Variants in MCM8 observed in about 807,000 individuals in gnomAD.
The protein encoded by MCM8 is minichromosome maintenance 8 homologous recombination repair factor, also known as DNA helicase MCM8.
A neutral mutation model predicts 98.9 loss-of-function variants in MCM8; 85 were observed. The ratio of observed to expected loss-of-function variants is 0.86; its 90% confidence interval spans 0.72 to 1.03. MCM8 has a LOEUF of 1.03. Among genes scored for constraint, MCM8 ranks in the 50% least tolerant of loss-of-function variants. The pLI, the probability that MCM8 is intolerant of heterozygous loss-of-function variation, is 0.00. For missense variants in MCM8, 951 were observed against 997.8 expected, an observed-to-expected ratio of 0.95 and a Z score of 0.63; for synonymous variants, 352 against 338.6, an observed-to-expected ratio of 1.04 and a Z score of -0.44.
intron 17 of MCM8, among the ~76,000 whole-genome samples, chr20:5,988,447 G>A (rs1362032038): frequency 1.3e-5 from 2 of 151,072 alleles, no homozygotes; most frequent in African/African-American, 2.4e-5. Flanking sequence ...GGGTGACAGA[G>A]CAAGACTCTG....
Position 5,963,337 on chromosome 20 carries a change from A to T in MCM8, c.853A>T (p.Thr285Ser), listed in dbSNP as rs1428782982. ...TALRSSPLTV[T>S]MDWQSIKIQE... ...TCTCCGCAGCTCTCCTCTCACAGTT[A>T]CGATGGACTGGCAGTCAATCAAGTA... The change falls in exon 8 of 19, where the codon ACG (threonine) becomes TCG (serine). Residue 285 changes from threonine to serine, a missense_variant. Coordinates refer to ENST00000610722, the MANE Select transcript of MCM8 (RefSeq NM_032485.6). 1.2e-6 allele frequency: 2 copies of T among 1,614,016 alleles called. No individual in the cohort carries two copies. Among genetic ancestry groups the T allele is most frequent in the Admixed American group, 3.3e-5 (2 of 60,020 alleles).
Position 5,952,468 on chromosome 20 carries a change from A to G in MCM8, c.193A>G (p.Met65Val), listed in dbSNP as rs370378788. ...FLLSTKTPQS[M>V]QSTLDRFIPY... ...GCTTTCAACAAAGACCCCACAGTCA[A>G]TGCAGTCAACATTGGATCGATTCAT... Residue 65 changes from methionine to valine, a missense_variant, in exon 3 of 19, where the codon ATG (methionine) becomes GTG (valine). Physicochemically the swap from Met to Val is conservative, Grantham distance 21. Coordinates refer to ENST00000610722, the MANE Select transcript of MCM8 (RefSeq NM_032485.6). 23 of 1,614,024 alleles carry G rather than the reference A, an allele frequency of 1.4e-5. No homozygotes were observed. Among genetic ancestry groups the G allele is most frequent in the African/African-American group, 8.0e-5 (6 of 74,950 alleles).
intron 5 of MCM8, among the ~76,000 whole-genome samples, chr20:5,956,029 A>C: frequency 6.6e-6 from 1 of 152,188 alleles, no homozygotes; most frequent in East Asian, 1.9e-4. Context: ...GGCTTCCTAA[A>C]GTGCTAGGAT....
intron 3 of MCM8, 62 bp from the exon 4 acceptor site, chr20:5,954,546 T>C: frequency 1.1e-6 from 1 of 928,178 alleles, no homozygotes; most frequent in South Asian, 1.4e-5. Context: ...TGCTTTTGTC[T>C]CATGAAAAAT....
chr20:5,974,457 C>T (rs2089467941), intron 12 of MCM8, among the ~76,000 whole-genome samples: 1 of 152,176 alleles, frequency 6.6e-6, no homozygotes, highest in African/African-American at 2.4e-5. Flanking sequence ...CCTGTGGCCC[C>T]CTTCTTCACT....
intron 12 of MCM8, among the ~76,000 whole-genome samples, chr20:5,977,099 A>G (rs2089527215): frequency 6.6e-6 from 1 of 152,236 alleles, no homozygotes; most frequent in Non-Finnish European, 1.5e-5. Flanking sequence ...AAGACTATAT[A>G]AGTAACAAAA....
intron 12 of MCM8, among the ~76,000 whole-genome samples, chr20:5,977,658 G>C (rs535736896): frequency 1.3e-5 from 2 of 152,332 alleles, no homozygotes; most frequent in East Asian, 3.9e-4. Context: ...TTTCCACCTT[G>C]ATAGCTGTGT....
intron 3 of MCM8, among the ~76,000 whole-genome samples, chr20:5,953,661 G>A (rs1402844080): frequency 3.3e-5 from 5 of 151,980 alleles, no homozygotes; most frequent in African/African-American, 1.2e-4. Context: ...TTTTAGTAGA[G>A]ACGGGGTTTC....
chr20:5,987,230 A>G, intron 16 of MCM8, 52 bp from the exon 17 acceptor site: 7 of 1,529,864 alleles, frequency 4.6e-6, no homozygotes, highest in East Asian at 2.3e-5. Context: ...TAGACATACT[A>G]TGGTAAATAT....
chr20:5,981,641 C>T (rs985616176), intron 13 of MCM8, among the ~76,000 whole-genome samples: 6 of 152,102 alleles, frequency 3.9e-5, no homozygotes, highest in African/African-American at 4.8e-5. Context: ...TAGGTTTGGA[C>T]AGAGCAGCCG....
intron 12 of MCM8, among the ~76,000 whole-genome samples, chr20:5,974,011 T>C (rs902895639): frequency 6.6e-6 from 1 of 152,170 alleles, no homozygotes; most frequent in African/African-American, 2.4e-5. Context: ...AAATTCTGCC[T>C]CTGCCAGTCA....
rs11472210 is a variant in MCM8 at position 5,994,478 on chromosome 20, G to GACACACACAC, written c.*123_*132dup. ...ATATGCGTGCACGCACAGACAGACA[G>GACACACACAC]ACACACACACACACACACACACACA... is the stretch of plus-strand genomic sequence containing the variant. On this transcript the variant is annotated 3_prime_UTR_variant, in exon 19 of 19. Coordinates refer to ENST00000610722, the MANE Select transcript of MCM8 (RefSeq NM_032485.6). The GACACACACAC allele has an allele frequency of 1.9e-3, 716 of 384,330 alleles. 3 individuals are homozygous for GACACACACAC. Among genetic ancestry groups the GACACACACAC allele is most frequent in the African/African-American group, 7.8e-3 (337 of 43,234 alleles). 23.8% of individuals were successfully genotyped at this position (384,330 alleles called of 1,614,324 possible). A position where few individuals can be genotyped will look rare whatever the true frequency, so the allele number is the denominator to read the frequency against.
intron 16 of MCM8, among the ~76,000 whole-genome samples, chr20:5,986,380 A>T (rs2089735853): frequency 6.6e-6 from 1 of 152,172 alleles, no homozygotes; most frequent in Non-Finnish European, 1.5e-5. Context: ...TCTTTGACTG[A>T]CTCTTAGGAG....
chr20:5,968,319 C>T (rs551608307), intron 10 of MCM8, among the ~76,000 whole-genome samples: 12 of 152,180 alleles, frequency 7.9e-5, no homozygotes, highest in African/African-American at 2.4e-4. Context: ...CCGAGGCAGG[C>T]GGATCACTTG....
chr20:5,965,293 A>G (rs192245310), intron 8 of MCM8: 1 of 152,332 alleles, frequency 6.6e-6, no homozygotes, highest in East Asian at 1.9e-4. Flanking sequence ...CTGGCTGGAC[A>G]GTTTATCCCC....
At chr20:5,988,198 C>A (rs1220473907) in intron 17 of MCM8, among the ~76,000 whole-genome samples, 6 of 151,960 alleles carry the variant, frequency 3.9e-5, no homozygotes. Flanking sequence ...TGGTGGCTCA[C>A]ACCTGTAATC....
chr20:5,979,414 C>G (rs2089584960), intron 13 of MCM8, among the ~76,000 whole-genome samples: 1 of 152,162 alleles, frequency 6.6e-6, no homozygotes, highest in Non-Finnish European at 1.5e-5. Flanking sequence ...TCTCGTTTCC[C>G]TTAAATATCA....
intron 7 of MCM8, among the ~76,000 whole-genome samples, chr20:5,959,107 C>T (rs979829582): frequency 4.0e-5 from 6 of 151,844 alleles, no homozygotes; most frequent in Admixed American, 2.0e-4. Context: ...TTTTTTTTCC[C>T]CTTTATTTCT....
At chr20:5,961,768 G>A (rs545667234) in intron 7 of MCM8, among the ~76,000 whole-genome samples, 1 of 152,276 alleles carries the variant, frequency 6.6e-6, no homozygotes, top group Admixed American at 6.5e-5. Flanking sequence ...TTTGTTCAGG[G>A]TATTTTCATG....
Sources: gnomAD v4.1 joint callset for allele counts (sites outside exome capture counted in the v4.1 genomes callset) on GRCh38, gnomAD v4.1.1 for gene constraint, MANE v1.5 for transcripts, NCBI Gene and HGNC (gene_info 2026-07-23, HGNC 2026-07-21) for gene names.